The following SLIT1 variants were observed in gnomAD, a reference collection of about 807,000 sequenced individuals.
The protein encoded by SLIT1 is slit homolog 1 protein.
In SLIT1, 66 loss-of-function variants were observed where a neutral mutation model predicts 186.1. That is an observed-to-expected ratio of 0.35 (90% CI 0.29 to 0.44). SLIT1 has a LOEUF of 0.44. Among genes scored for constraint, SLIT1 ranks in the 20% least tolerant of loss-of-function variants. The pLI is 1.00. For synonymous variants in SLIT1, 761 were observed against 833.8 expected (o/e 0.91, Z 1.50); for missense variants, 1,638 against 2,037.4 (o/e 0.80, Z 3.77).
At chr10:97,047,909 C>T in intron 15 of SLIT1, 64 bp downstream of exon 15, 1 of 1,613,484 alleles carries the variant, frequency 6.2e-7, no homozygotes, top group Non-Finnish European at 8.5e-7. Context: ...ACCAAGGCCC[C>T]CAGCCTGCCC....
intron 23 of SLIT1, among the ~76,000 whole-genome samples, chr10:97,032,888 G>A (rs546521564): frequency 2.7e-4 from 41 of 152,278 alleles, no homozygotes; most frequent in Admixed American, 1.4e-3. Flanking sequence ...CATGCTGGGC[G>A]CAGAAGCCAA....
At position 97,028,125 on chromosome 10, in the gene SLIT1, A is replaced by G. The variant is rs189978089; in HGVS notation, c.2582+2632T>C. Among the ~76,000 whole-genome samples, 89 of 152,276 alleles carry G rather than the reference A, an allele frequency of 5.8e-4. 1 individual carries two copies. Among genetic ancestry groups the G allele is most frequent in the African/African-American group, 2.1e-3 (86 of 41,542 alleles). ...TTAGCTCTTCAGAGTTCCTAAAGAC[A>G]TGTCAGCAAAAATGAGCATGCAACC... is the stretch of plus-strand genomic sequence containing the variant. On this transcript the variant is annotated intron_variant, in intron 25 of 36. Transcript: ENST00000266058.
chr10:97,019,437 T>C (rs1415946412), intron 26 of SLIT1, among the ~76,000 whole-genome samples: 1 of 152,072 alleles, frequency 6.6e-6, no homozygotes, highest in Non-Finnish European at 1.5e-5. Flanking sequence ...AGGGGACAGT[T>C]GCTACCACCG....
intron 1 of SLIT1, among the ~76,000 whole-genome samples, chr10:97,178,584 T>A (rs1485473635): frequency 6.6e-6 from 1 of 152,200 alleles, no homozygotes; most frequent in Non-Finnish European, 1.5e-5. Context: ...ATCAGAGCAA[T>A]TGATGAAAAC....
At position 97,185,489 on chromosome 10, in the gene SLIT1, G is replaced by A; in HGVS notation, c.186C>T (p.Asn62=). 6.2e-7 allele frequency: 1 copy of A among 1,611,994 alleles called. No individual in the cohort carries two copies. The highest frequency in any genetic ancestry group is 2.2e-5 in the East Asian group (1 of 44,834). The change falls in exon 1 of 37, where the codon AAC becomes AAT. Residue 62 remains asparagine (N), a synonymous_variant. Coordinates refer to ENST00000266058, the MANE Select transcript of SLIT1 (RefSeq NM_003061.3). ...GGGACCATACTCACAGGCGCTCGGT[G>A]TTCCGAGGTATATTCTTGGGAATGG... ...LQAIPKNIPR[N]TERLELNGNN...
At chr10:97,072,619 C>G (rs1201991943) in intron 4 of SLIT1, among the ~76,000 whole-genome samples, 2 of 152,182 alleles carry the variant, frequency 1.3e-5, no homozygotes, top group African/African-American at 4.8e-5. Context: ...CCAGTCAGCC[C>G]ACAGCCGGAA....
intron 25 of SLIT1, 68 bp downstream of exon 25, chr10:97,030,689 G>T: frequency 7.9e-7 from 1 of 1,271,530 alleles, no homozygotes; most frequent in Non-Finnish European, 1.1e-6. Context: ...TCAGGAGGTG[G>T]GATCTTCTCA....
chr10:97,128,615 C>G (rs968098527), intron 4 of SLIT1, among the ~76,000 whole-genome samples: 2 of 152,202 alleles, frequency 1.3e-5, no homozygotes, highest in Non-Finnish European at 2.9e-5. Flanking sequence ...GAAAGTATTG[C>G]AGCAAAGAAA....
rs745509802 is a variant in SLIT1, at chr10:97,000,539, G to T, written c.*573C>A. The stretch of plus-strand genomic sequence containing the variant: ...CAGTCAGCCCAGGGGGCAAGGGTCC[G>T]ACCCTCCCTGGCCAGCAGGAGGCGG... On this transcript the variant is annotated 3_prime_UTR_variant, in exon 37 of 37. Transcript: ENST00000266058. 6.5e-6 allele frequency: 1 copy of T among 152,742 alleles called. No homozygotes were observed. Among genetic ancestry groups the T allele is most frequent in the East Asian group, 1.9e-4 (1 of 5,190 alleles). 9.5% of individuals were successfully genotyped at this position (152,742 alleles called of 1,614,324 possible).
At chr10:97,137,938 T>G (rs1849718428) in intron 4 of SLIT1, among the ~76,000 whole-genome samples, 1 of 152,208 alleles carries the variant, frequency 6.6e-6, no homozygotes, top group East Asian at 1.9e-4. Context: ...CTAAACAAGA[T>G]TAAGCAACTT....
chr10:97,169,061 C>T (rs1405740556), intron 1 of SLIT1, among the ~76,000 whole-genome samples: 1 of 152,048 alleles, frequency 6.6e-6, no homozygotes, highest in Admixed American at 6.5e-5. Flanking sequence ...TAGTCCCACC[C>T]CTCCTCCTCA....
At chr10:97,160,808 C>A (rs895572451) in intron 3 of SLIT1, among the ~76,000 whole-genome samples, 6 of 152,178 alleles carry the variant, frequency 3.9e-5, no homozygotes, top group African/African-American at 1.4e-4. Flanking sequence ...GCAACCTCCG[C>A]CTCCCGGGTT....
intron 4 of SLIT1, among the ~76,000 whole-genome samples, chr10:97,075,757 C>A (rs1234592952): frequency 6.6e-6 from 1 of 152,182 alleles, no homozygotes; most frequent in Non-Finnish European, 1.5e-5. Context: ...CTGGGTCCCA[C>A]CTCCTGAGTC....
intron 4 of SLIT1, among the ~76,000 whole-genome samples, chr10:97,105,201 C>G (rs537481872): frequency 1.2e-3 from 190 of 152,236 alleles, no homozygotes; most frequent in African/African-American, 4.4e-3. Flanking sequence ...AAAAAGTCAG[C>G]AGGAAAAATA....
chr10:97,110,520 A>G (rs917662081), intron 4 of SLIT1, among the ~76,000 whole-genome samples: 3 of 152,252 alleles, frequency 2.0e-5, no homozygotes, highest in Non-Finnish European at 2.9e-5. Flanking sequence ...AATTTCAGAA[A>G]TGTAATACTG....
chr10:97,180,188 C>T (rs1369260263), intron 1 of SLIT1, among the ~76,000 whole-genome samples: 1 of 152,254 alleles, frequency 6.6e-6, no homozygotes, highest in African/African-American at 2.4e-5. Context: ...TCCAGCGTGA[C>T]GCCCAAATTT....
At chr10:97,024,302 C>G (rs1848526851) in intron 25 of SLIT1, among the ~76,000 whole-genome samples, 1 of 152,146 alleles carries the variant, frequency 6.6e-6, no homozygotes, top group Non-Finnish European at 1.5e-5. Flanking sequence ...TGAACAAGAC[C>G]TGGACTCCGG....
rs567299433 is a variant in SLIT1 at position 97,049,323 on chromosome 10, C to T, written c.1302-205G>A. On this transcript the variant is annotated intron_variant, in intron 13 of 36. Coordinates refer to ENST00000266058, the MANE Select transcript of SLIT1 (RefSeq NM_003061.3). ...CTGGAGAGGTCCTGCCAGCGCACTA[C>T]AGGTGAAGGGTCTCTGCCACCCAGA... Among the ~76,000 whole-genome samples, 6 of 152,322 alleles carry T rather than the reference C, an allele frequency of 3.9e-5. No individual in the cohort carries two copies. In the South Asian group the frequency reaches 1.2e-3, roughly 32 times the overall value.
intron 4 of SLIT1, among the ~76,000 whole-genome samples, chr10:97,145,498 C>A (rs1451710675): frequency 6.6e-6 from 1 of 152,118 alleles, no homozygotes; most frequent in Non-Finnish European, 1.5e-5. Context: ...TGGTCAGGCA[C>A]AATTCTGATG....
Sources: allele counts gnomAD v4.1 joint callset (sites outside exome capture counted in the v4.1 genomes callset), GRCh38; gene constraint gnomAD v4.1.1; transcripts MANE v1.5; gene names NCBI Gene and HGNC (gene_info 2026-07-23, HGNC 2026-07-21).